Variants in TAB2 observed in about 807,000 individuals in gnomAD.
The protein encoded by TAB2 is TGF-beta-activated kinase 1 and MAP3K7-binding protein 2.
Under a neutral mutation model 65.0 loss-of-function variants are expected in TAB2, and 3 were observed. That is an observed-to-expected ratio of 0.05 (90% CI 0.02 to 0.12). The LOEUF is 0.12. TAB2 is among the 10% of genes least tolerant of loss of function. The probability of loss-of-function intolerance (pLI) is 1.00; values close to 1 mark genes in which losing one functional copy is unlikely to be tolerated. For missense variants in TAB2, 623 were observed against 840.3 expected (o/e 0.74, Z 3.20); for synonymous variants, 298 against 285.1 (o/e 1.05, Z -0.46).
At position 149,409,728 on chromosome 6, in the gene TAB2, G is replaced by T. The variant is rs750207728; in HGVS notation, c.*9G>T. The T allele has an allele frequency of 1.2e-6, 2 of 1,613,978 alleles. No homozygotes were observed. ...TGCCAAGGCATTTCTGAGCCAAATGGCCCTGTATCTTCTCTAAAACCACAT... is the reference window on the plus strand; with the variant it reads ...TGCCAAGGCATTTCTGAGCCAAATGTCCCTGTATCTTCTCTAAAACCACAT... On this transcript the variant is annotated 3_prime_UTR_variant, in exon 7 of 7. Coordinates refer to ENST00000637181, the MANE Select transcript of TAB2 (RefSeq NM_001292034.3).
chr6:149,357,781 C>A (rs1009016977), intron 1 of TAB2, among the ~76,000 whole-genome samples: 1 of 151,810 alleles, frequency 6.6e-6, no homozygotes, highest in African/African-American at 2.4e-5. Flanking sequence ...CTCACTGCAA[C>A]CTCCATCTCC....
chr6:149,301,898 G>A (rs1047340751), intron 1 of TAB2, among the ~76,000 whole-genome samples: 5 of 152,102 alleles, frequency 3.3e-5, no homozygotes, highest in East Asian at 1.9e-4. Flanking sequence ...ATTATGGCAC[G>A]TTTGCTCATT....
chr6:149,410,744 C>T lies in TAB2; in HGVS notation c.*1025C>T, dbSNP rs1782828486. The T allele has an allele frequency of 6.6e-6, 1 of 152,600 alleles. No homozygotes were observed. Among genetic ancestry groups the T allele is most frequent in the African/African-American group, 2.4e-5 (1 of 41,452 alleles). The allele number at this position is 152,600 out of a possible 1,614,324, so 9.5% of individuals were successfully genotyped here. ...ACAGTGTTTGTCTTCCACAGGGAAG[C>T]TTAAAACAAAAGATATTTTTAACCC... On this transcript the variant is annotated 3_prime_UTR_variant, in exon 7 of 7. Coordinates refer to ENST00000637181, the MANE Select transcript of TAB2 (RefSeq NM_001292034.3).
chr6:149,302,837 G>C (rs553481026), intron 1 of TAB2, among the ~76,000 whole-genome samples: 1 of 152,302 alleles, frequency 6.6e-6, no homozygotes, highest in East Asian at 1.9e-4. Flanking sequence ...GGCCAGTACT[G>C]GTCTGGAGGC....
At chr6:149,391,142 A>G (rs1362744012) in intron 3 of TAB2, among the ~76,000 whole-genome samples, 2 of 152,250 alleles carry the variant, frequency 1.3e-5, no homozygotes, top group Non-Finnish European at 2.9e-5. Flanking sequence ...AGCTGGACAT[A>G]GAATTCTTGG....
chr6:149,309,897 T>TGG (rs1779139808), intron 1 of TAB2, among the ~76,000 whole-genome samples: 1 of 151,818 alleles, frequency 6.6e-6, no homozygotes. Context: ...TGTGTGTGTG[T>TGG]GTGTGATTTT....
In TAB2 at chr6:149,378,525, G is replaced by A; in HGVS notation, c.610G>A (p.Val204Ile). The A allele has an allele frequency of 1.9e-6, 3 of 1,614,060 alleles. No homozygotes were observed. Among genetic ancestry groups the A allele is most frequent in the Non-Finnish European group, 2.5e-6 (3 of 1,180,038 alleles). ...SLHIHGVPPP[V>I]LNSPQGNSIY... ...GCACATACATGGTGTACCTCCACCTGTACTTAACAGTCCACAGGGAAATTC... is the reference window on the plus strand; with the variant it reads ...GCACATACATGGTGTACCTCCACCTATACTTAACAGTCCACAGGGAAATTC... Residue 204 changes from valine (V) to isoleucine (I), a missense_variant, in exon 3 of 7, where the codon GTA (valine) becomes ATA (isoleucine). By Grantham distance (29) the Val-to-Ile change is conservative (BLOSUM62 3). This residue lies in a region of TAB2 where 550 missense variants were observed against 665.7 expected (regional missense o/e 0.83). Coordinates refer to ENST00000637181, the MANE Select transcript of TAB2 (RefSeq NM_001292034.3).
chr6:149,385,180 A>G (rs1171017515), intron 3 of TAB2, among the ~76,000 whole-genome samples: 1 of 152,170 alleles, frequency 6.6e-6, no homozygotes, highest in African/African-American at 2.4e-5. Context: ...CCAAATCACA[A>G]CACGTTTCTT....
intron 1 of TAB2, among the ~76,000 whole-genome samples, chr6:149,236,157 C>T (rs749734322): frequency 8.6e-5 from 13 of 152,018 alleles, no homozygotes; most frequent in Middle Eastern, 3.2e-3. Flanking sequence ...GGGAGATGGG[C>T]GCACTAAAAT....
At chr6:149,246,600 A>G (rs542760479) in intron 1 of TAB2, 2 of 152,290 alleles carry the variant, frequency 1.3e-5, no homozygotes, top group Non-Finnish European at 2.9e-5. Context: ...GACAGTCAAC[A>G]TGAGAGGGCC....
At chr6:149,263,169 A>G (rs756872603) in intron 1 of TAB2, among the ~76,000 whole-genome samples, 13 of 152,194 alleles carry the variant, frequency 8.5e-5, no homozygotes, top group Non-Finnish European at 1.8e-4. Flanking sequence ...ATCAAATTTC[A>G]TAGTGTATTT....
chr6:149,398,345 A>T (rs1489593293), intron 5 of TAB2, among the ~76,000 whole-genome samples: 15 of 152,234 alleles, frequency 9.9e-5, no homozygotes, highest in Non-Finnish European at 2.9e-5. Context: ...GTTTTCTTAT[A>T]GTAAATAATG....
intron 1 of TAB2, among the ~76,000 whole-genome samples, chr6:149,324,492 C>T (rs1023446193): frequency 1.3e-5 from 2 of 152,052 alleles, no homozygotes; most frequent in Non-Finnish European, 2.9e-5. Flanking sequence ...TTAATGTTTA[C>T]CTTTTTTAAT....
At chr6:149,328,449 C>T (rs192076077) in intron 1 of TAB2, among the ~76,000 whole-genome samples, 5 of 152,142 alleles carry the variant, frequency 3.3e-5, no homozygotes, top group South Asian at 2.1e-4. Context: ...CGTGCCACCA[C>T]GCCTGGCTAA....
intron 3 of TAB2, among the ~76,000 whole-genome samples, 187 bp downstream of exon 3, chr6:149,379,705 A>G (rs1160978465): frequency 2.6e-5 from 4 of 152,092 alleles, no homozygotes; most frequent in Non-Finnish European, 4.4e-5. Context: ...TTTTATTATT[A>G]TAAAACTGGA....
At chr6:149,360,857 G>A (rs1349602798) in intron 1 of TAB2, among the ~76,000 whole-genome samples, 2 of 152,146 alleles carry the variant, frequency 1.3e-5, no homozygotes, top group Non-Finnish European at 2.9e-5. Flanking sequence ...TTCCAAAAGG[G>A]AGAAATTGGC....
In TAB2 at chr6:149,378,742, A is replaced by C. The variant is rs541985795; in HGVS notation, c.827A>C (p.Gln276Pro). The C allele has an allele frequency of 5.3e-5, 86 of 1,614,136 alleles. 1 individual carries two copies. The South Asian group carries it at 8.9e-4, about 17-fold the overall frequency. ...SHTSSQQPNQ[Q>P]GHQTSHVYMP... ...ACCTCATCTCAACAGCCAAATCAGC[A>C]AGGCCACCAGACCTCTCATGTCTAC... Residue 276 changes from glutamine (Q) to proline (P), a missense_variant, in exon 3 of 7, where the codon CAA becomes CCA. Transcript: ENST00000637181.
intron 1 of TAB2, among the ~76,000 whole-genome samples, chr6:149,356,766 G>A (rs1217918034): frequency 3.9e-5 from 6 of 152,108 alleles, no homozygotes; most frequent in Admixed American, 1.3e-4. Flanking sequence ...AATCTTTCCA[G>A]CCTTCATCTG....
chr6:149,398,021 T>C lies in TAB2; in HGVS notation c.1817T>C (p.Ile606Thr). Residue 606 changes from isoleucine (I) to threonine (T), a missense_variant, in exon 5 of 7, where the codon ATT becomes ACT. Physicochemically the swap from Ile to Thr is moderately conservative, Grantham distance 89. Coordinates refer to ENST00000637181, the MANE Select transcript of TAB2 (RefSeq NM_001292034.3). ...TGTAATAGACAACTCCAGATTGACA[T>C]TGACTGCTTAACCAAAGAAATTGAT... Reference protein sequence around the residue: ...RSCNRQLQIDIDCLTKEIDLF... With the variant: ...RSCNRQLQIDTDCLTKEIDLF... 6.2e-7 allele frequency: 1 copy of C among 1,613,942 alleles called. No homozygotes were observed. Among genetic ancestry groups the C allele is most frequent in the Non-Finnish European group, 8.5e-7 (1 of 1,179,952 alleles).
Sources: allele counts gnomAD v4.1 joint callset (sites outside exome capture counted in the v4.1 genomes callset), GRCh38; gene constraint gnomAD v4.1.1; regional missense constraint gnomAD v4.1.1; transcripts MANE v1.5; gene names NCBI Gene and HGNC (gene_info 2026-07-23, HGNC 2026-07-21).